The following NTM variants were observed in gnomAD, a reference collection of about 807,000 sequenced individuals.
NTM encodes IgLON family member 2.
In NTM, 13 loss-of-function variants were observed where a neutral mutation model predicts 42.1. That is an observed-to-expected ratio of 0.31 (90% CI 0.20 to 0.49). The LOEUF (loss-of-function observed/expected upper bound fraction) is 0.49, where lower values mean the gene tolerates loss of function less well. Among genes scored for constraint, NTM ranks in the 20% least tolerant of loss-of-function variants. The pLI, the probability that NTM is intolerant of heterozygous loss-of-function variation, is 0.99. For missense variants in NTM, 373 were observed against 452.8 expected (o/e 0.82, Z 1.60); for synonymous variants, 187 against 179.2 (o/e 1.04, Z -0.35).
chr11:131,439,230 G>A (rs1453500549), intron 1 of NTM, among the ~76,000 whole-genome samples: 1 of 152,158 alleles, frequency 6.6e-6, no homozygotes. Flanking sequence ...GCCCCTACTG[G>A]GAGGTGTCTC....
intron 2 of NTM, among the ~76,000 whole-genome samples, chr11:131,997,314 A>G (rs1341419530): frequency 6.6e-6 from 1 of 152,178 alleles, no homozygotes; most frequent in African/African-American, 2.4e-5. Context: ...GCCATACTGC[A>G]TCATTCCTGT....
At chr11:131,471,301 C>G (rs1952417036) in intron 1 of NTM, among the ~76,000 whole-genome samples, 1 of 152,198 alleles carries the variant, frequency 6.6e-6, no homozygotes, top group African/African-American at 2.4e-5. Flanking sequence ...CTTGGTTAAT[C>G]CAATCGCTCA....
chr11:132,065,736 G>A (rs750298550), intron 2 of NTM, among the ~76,000 whole-genome samples: 2 of 152,112 alleles, frequency 1.3e-5, no homozygotes, highest in Non-Finnish European at 2.9e-5. Flanking sequence ...TTCTGTTACT[G>A]GGTACTTGGT....
chr11:131,678,107 T>C (rs2071752868), intron 1 of NTM, among the ~76,000 whole-genome samples: 1 of 152,232 alleles, frequency 6.6e-6, no homozygotes, highest in Non-Finnish European at 1.5e-5. Flanking sequence ...GCATTGCAGC[T>C]TCCGGGGCCC....
At chr11:132,193,220 A>G (rs979300456) in intron 3 of NTM, among the ~76,000 whole-genome samples, 16 of 152,198 alleles carry the variant, frequency 1.1e-4, no homozygotes, top group African/African-American at 3.6e-4. Context: ...TTATCTGTAT[A>G]TGGCACATAC....
At chr11:131,604,989 G>A (rs2060819222) in intron 1 of NTM, among the ~76,000 whole-genome samples, 1 of 151,668 alleles carries the variant, frequency 6.6e-6, no homozygotes, top group Non-Finnish European at 1.5e-5. Flanking sequence ...TTGAAATCAG[G>A]AAATGTGAGG....
intron 1 of NTM, among the ~76,000 whole-genome samples, chr11:131,793,203 T>A (rs1383846059): frequency 6.6e-6 from 1 of 152,268 alleles, no homozygotes; most frequent in East Asian, 1.9e-4. Flanking sequence ...AAGAGTAATT[T>A]TCCTATTAGT....
intron 2 of NTM, among the ~76,000 whole-genome samples, chr11:131,974,365 G>A (rs963477262): frequency 6.6e-6 from 1 of 152,154 alleles, no homozygotes; most frequent in Non-Finnish European, 1.5e-5. Context: ...ATTTAGGCTA[G>A]CTTTTTTTAA....
At chr11:131,790,916 T>G (rs1209470456) in intron 1 of NTM, among the ~76,000 whole-genome samples, 1 of 152,230 alleles carries the variant, frequency 6.6e-6, no homozygotes, top group Admixed American at 6.5e-5. Flanking sequence ...GAAATATCTT[T>G]GGAGCAATCT....
At chr11:132,239,740 G>A (rs1469601094) in intron 4 of NTM, among the ~76,000 whole-genome samples, 2 of 152,214 alleles carry the variant, frequency 1.3e-5, no homozygotes, top group Non-Finnish European at 2.9e-5. Flanking sequence ...TGTGAGGGGT[G>A]TGTGTGCATG....
chr11:132,142,263 G>A (rs951359381), intron 2 of NTM, among the ~76,000 whole-genome samples: 1 of 152,158 alleles, frequency 6.6e-6, no homozygotes, highest in African/African-American at 2.4e-5. Flanking sequence ...CTCCAGTTCA[G>A]CTCACCTGGA....
chr11:132,185,513 C>T (rs542568681), intron 3 of NTM, among the ~76,000 whole-genome samples: 4 of 152,164 alleles, frequency 2.6e-5, no homozygotes, highest in Non-Finnish European at 5.9e-5. Context: ...TATCCTATTG[C>T]ACATGATTTT....
At chr11:131,687,137 G>A (rs545207667) in intron 1 of NTM, among the ~76,000 whole-genome samples, 2 of 152,314 alleles carry the variant, frequency 1.3e-5, no homozygotes, top group East Asian at 1.9e-4. Flanking sequence ...GCCCCTCCAC[G>A]TCATGCAATG....
chr11:131,665,452 C>T (rs2068872204), intron 1 of NTM, among the ~76,000 whole-genome samples: 1 of 152,082 alleles, frequency 6.6e-6, no homozygotes, highest in African/African-American at 2.4e-5. Flanking sequence ...TTGGGAGATA[C>T]TTAAAGAGGT....
intron 1 of NTM, among the ~76,000 whole-genome samples, chr11:131,891,371 G>T (rs368199949): frequency 3.3e-5 from 5 of 152,164 alleles, no homozygotes; most frequent in South Asian, 4.1e-4. Flanking sequence ...TCGAGATGAG[G>T]TATAAGACAG....
chr11:131,775,201 G>A (rs1169178254), intron 1 of NTM, among the ~76,000 whole-genome samples: 2 of 152,216 alleles, frequency 1.3e-5, no homozygotes, highest in South Asian at 2.1e-4. Context: ...TCAGAAAAAC[G>A]ATGCCTGTCT....
chr11:131,950,519 A>G (rs1290409304), intron 2 of NTM, among the ~76,000 whole-genome samples: 2 of 151,500 alleles, frequency 1.3e-5, no homozygotes, highest in Non-Finnish European at 2.9e-5. Flanking sequence ...CTCCCCTTTC[A>G]CCCTCATCCT....
intron 1 of NTM, among the ~76,000 whole-genome samples, chr11:131,750,068 T>C (rs2082296405): frequency 6.6e-6 from 1 of 152,228 alleles, no homozygotes; most frequent in East Asian, 1.9e-4. Context: ...GGGTTTCCCC[T>C]GACCTTAGGT....
At chr11:131,964,498 T>G (rs1479534248) in intron 2 of NTM, among the ~76,000 whole-genome samples, 1 of 152,228 alleles carries the variant, frequency 6.6e-6, no homozygotes, top group African/African-American at 2.4e-5. Flanking sequence ...TTTTGTAGAA[T>G]TCAAGTGTCT....
Sources: gnomAD v4.1 joint callset for allele counts (sites outside exome capture counted in the v4.1 genomes callset) on GRCh38, gnomAD v4.1.1 for gene constraint, MANE v1.5 for transcripts, NCBI Gene and HGNC (gene_info 2026-07-23, HGNC 2026-07-21) for gene names.